ASIC2: variants seen among roughly 807,000 people sequenced by gnomAD.
The protein encoded by ASIC2 is acid-sensing ion channel 2.
Under a neutral mutation model 57.3 loss-of-function variants are expected in ASIC2, and 25 were observed. That is an observed-to-expected ratio of 0.44 (90% CI 0.32 to 0.61). The LOEUF (loss-of-function observed/expected upper bound fraction) is 0.61, where lower values mean the gene tolerates loss of function less well. Among genes scored for constraint, ASIC2 ranks in the 20% least tolerant of loss-of-function variants. The pLI, the probability that ASIC2 is intolerant of heterozygous loss-of-function variation, is 0.06. For missense variants in ASIC2, 641 were observed against 738.1 expected, an observed-to-expected ratio of 0.87 and a Z score of 1.52; for synonymous variants, 319 against 307.5, an observed-to-expected ratio of 1.04 and a Z score of -0.39.
In ASIC2 at chr17:33,554,970, T is replaced by C. The variant is rs1209135422; in HGVS notation, c.556-442903A>G. Reference sequence around the variant, plus strand: ...GGTTTTAAATAAATTTTTATCCCAGTACTCTCAATGACTCTGCAAGATACC... The same window carrying C: ...GGTTTTAAATAAATTTTTATCCCAGCACTCTCAATGACTCTGCAAGATACC... On this transcript the variant is annotated intron_variant, in intron 1 of 9. Coordinates refer to the ASIC2 transcript ENST00000359872. Among the ~76,000 whole-genome samples the C allele has an allele frequency of 2.6e-5, 4 of 152,180 alleles. No homozygotes were observed. The East Asian group carries it at 7.7e-4, about 29-fold the overall frequency.
In ASIC2 at chr17:33,946,399, A is replaced by G. The variant is rs12942691; in HGVS notation, c.555+209579T>C. ...CAACATTTCTTTGAATGCTAAAAAA[A>G]GGTGGAAACTGTTTAGCCTGGCCTT... On this transcript the variant is annotated intron_variant, in intron 1 of 9. Transcript: ENST00000359872. 7.8e-3 allele frequency among the ~76,000 whole-genome samples: 1,188 copies of G among 152,298 alleles called. 23 individuals carry two copies. Among genetic ancestry groups the G allele is most frequent in the African/African-American group, 0.027 (1,131 of 41,564 alleles).
Position 33,989,096 on chromosome 17 carries a change from A to G in ASIC2, c.555+166882T>C, listed in dbSNP as rs7210214. ...CTGACTCTGGGGAACCCAACCTAAA[A>G]CAGAACCCACATCTGTCTGAACTTG... On this transcript the variant is annotated intron_variant, in intron 1 of 9. Coordinates refer to the ASIC2 transcript ENST00000359872. Among the ~76,000 whole-genome samples the G allele has an allele frequency of 2.6e-3, 399 of 152,172 alleles. 3 individuals are homozygous for G. Among genetic ancestry groups the G allele is most frequent in the African/African-American group, 9.2e-3 (382 of 41,532 alleles).
intron 3 of ASIC2, among the ~76,000 whole-genome samples, chr17:33,058,390 C>G (rs1363227128): frequency 2.1e-5 from 3 of 142,722 alleles, no homozygotes; most frequent in Non-Finnish European, 1.5e-5. Context: ...CAAGCCAACT[C>G]TTAGAGTGAT....
At chr17:33,885,877 T>C (rs917400208) in intron 1 of ASIC2, among the ~76,000 whole-genome samples, 1 of 152,194 alleles carries the variant, frequency 6.6e-6, no homozygotes, top group Non-Finnish European at 1.5e-5. Context: ...CTGAACTCAG[T>C]AGTGTATTAT....
At chr17:33,524,008 A>G (rs116449346) in intron 1 of ASIC2, among the ~76,000 whole-genome samples, 401 of 152,250 alleles carry the variant, frequency 2.6e-3, no homozygotes, top group African/African-American at 9.2e-3. Context: ...TCATACACTC[A>G]GGGGTCAGCC....
intron 1 of ASIC2, among the ~76,000 whole-genome samples, chr17:34,044,701 G>GTGTTTGTC (rs1908271802): frequency 6.6e-6 from 1 of 152,140 alleles, no homozygotes; most frequent in South Asian, 2.1e-4. Context: ...TTTAGTGGAC[G>GTGTTTGTC]TGTTTGTCTG....
intron 1 of ASIC2, among the ~76,000 whole-genome samples, chr17:34,135,781 A>C (rs1164077068): frequency 6.6e-6 from 1 of 152,164 alleles, no homozygotes; most frequent in African/African-American, 2.4e-5. Flanking sequence ...TGTATTTTAA[A>C]TAATAATAAT....
chr17:33,700,246 AC>A (rs1365950395), intron 1 of ASIC2, among the ~76,000 whole-genome samples: 1 of 152,008 alleles, frequency 6.6e-6, no homozygotes, highest in Non-Finnish European at 1.5e-5. Context: ...ATAGCAAGAA[AC>A]TTTGCTTTCC....
intron 1 of ASIC2, among the ~76,000 whole-genome samples, chr17:34,045,922 T>C (rs1190733035): frequency 6.6e-6 from 1 of 152,070 alleles, no homozygotes; most frequent in Non-Finnish European, 1.5e-5. Context: ...AATATGGAGG[T>C]AGTATCACCA....
At chr17:34,108,100 A>C (rs1370633424) in intron 1 of ASIC2, among the ~76,000 whole-genome samples, 3 of 152,026 alleles carry the variant, frequency 2.0e-5, no homozygotes, top group Non-Finnish European at 4.4e-5. Context: ...ACTTATAAAC[A>C]TCTCTTTGAA....
At chr17:33,647,775 G>A (rs1196660497) in intron 1 of ASIC2, among the ~76,000 whole-genome samples, 5 of 152,236 alleles carry the variant, frequency 3.3e-5, no homozygotes, top group Admixed American at 6.5e-5. Context: ...TTAATGGCCT[G>A]AAAATGCCCA....
chr17:34,134,123 C>G (rs117863035), intron 1 of ASIC2, among the ~76,000 whole-genome samples: 1 of 152,292 alleles, frequency 6.6e-6, no homozygotes, highest in East Asian at 1.9e-4. Context: ...TTCTTTATAT[C>G]TGTAATGGTT....
At chr17:33,661,078 G>A (rs1907245821) in intron 1 of ASIC2, among the ~76,000 whole-genome samples, 2 of 152,092 alleles carry the variant, frequency 1.3e-5, no homozygotes, top group Non-Finnish European at 1.5e-5. Context: ...CAGCTCCCGG[G>A]GAGAAGCCAA....
At chr17:33,586,868 T>G (rs1162464549) in intron 1 of ASIC2, among the ~76,000 whole-genome samples, 2 of 152,230 alleles carry the variant, frequency 1.3e-5, no homozygotes, top group Non-Finnish European at 2.9e-5. Context: ...TTGTTCATTA[T>G]ACACCTCTCT....
chr17:33,828,611 T>G (rs9900270), intron 1 of ASIC2: 1 of 151,936 alleles, frequency 6.6e-6, no homozygotes. Context: ...GGGATGTGAA[T>G]GCGGAGATGA....
chr17:33,513,652 G>A (rs1478979696), intron 1 of ASIC2, among the ~76,000 whole-genome samples: 1 of 152,216 alleles, frequency 6.6e-6, no homozygotes, highest in East Asian at 1.9e-4. Context: ...GGCAGTAAGA[G>A]GTGAGAGGAA....
chr17:34,112,295 A>G (rs77582195), intron 1 of ASIC2, among the ~76,000 whole-genome samples: 2,105 of 152,310 alleles, frequency 0.014, 44 homozygotes, highest in East Asian at 0.06. Flanking sequence ...AGTTAAATAC[A>G]TTAGAGTACC....
At chr17:33,087,839 G>A (rs991365323) in intron 3 of ASIC2, among the ~76,000 whole-genome samples, 13 of 151,882 alleles carry the variant, frequency 8.6e-5, no homozygotes, top group Non-Finnish European at 1.3e-4. Flanking sequence ...GATTACAGGC[G>A]TGAACCACCG....
At chr17:33,840,484 A>G (rs1913401792) in intron 1 of ASIC2, among the ~76,000 whole-genome samples, 1 of 152,228 alleles carries the variant, frequency 6.6e-6, no homozygotes. Flanking sequence ...GCATGTCCAG[A>G]ATGAGAATTG....
Sources: allele counts gnomAD v4.1 joint callset (sites outside exome capture counted in the v4.1 genomes callset), GRCh38; gene constraint gnomAD v4.1.1; transcripts MANE v1.5; gene names NCBI Gene and HGNC (gene_info 2026-07-23, HGNC 2026-07-21).